GPC5: variants seen among roughly 807,000 people sequenced by gnomAD.
The protein encoded by GPC5 is glypican-5.
GPC5 carries 47 observed loss-of-function variants against 53.9 expected under a neutral mutation model. That is an observed-to-expected ratio of 0.87 (90% CI 0.69 to 1.11). The LOEUF is 1.11. Among genes scored for constraint, GPC5 ranks in the 50% most tolerant of loss-of-function variants. The probability of loss-of-function intolerance (pLI) is 0.00; values close to 1 mark genes in which losing one functional copy is unlikely to be tolerated. For missense variants in GPC5, 748 were observed against 713.1 expected (o/e 1.05, Z -0.56); for synonymous variants, 286 against 263.3 (o/e 1.09, Z -0.84).
intron 7 of GPC5, among the ~76,000 whole-genome samples, chr13:92,497,605 A>G (rs1375734896): frequency 1.3e-5 from 2 of 152,150 alleles, no homozygotes; most frequent in Non-Finnish European, 2.9e-5. Context: ...TGATTCCATA[A>G]GAAATTTAAA....
intron 7 of GPC5, among the ~76,000 whole-genome samples, chr13:92,593,786 G>A (rs1026233149): frequency 1.4e-4 from 21 of 152,136 alleles, no homozygotes; most frequent in Admixed American, 1.3e-3. Flanking sequence ...ACAATCAACA[G>A]CATCAAATGC....
At chr13:92,857,649 G>T (rs1359726052) in intron 7 of GPC5, among the ~76,000 whole-genome samples, 1 of 152,020 alleles carries the variant, frequency 6.6e-6, no homozygotes, top group Non-Finnish European at 1.5e-5. Context: ...TCATCAAAAA[G>T]TGGGCAAAGT....
At chr13:92,786,216 G>T (rs1265803985) in intron 7 of GPC5, among the ~76,000 whole-genome samples, 1 of 152,130 alleles carries the variant, frequency 6.6e-6, no homozygotes, top group African/African-American at 2.4e-5. Context: ...AAATACAAGA[G>T]ATTTTAATAA....
At chr13:92,000,071 A>G (rs1316358153) in intron 6 of GPC5, among the ~76,000 whole-genome samples, 1 of 152,214 alleles carries the variant, frequency 6.6e-6, no homozygotes, top group Admixed American at 6.5e-5. Context: ...ATTTTCAAGA[A>G]TGTAATCCAT....
At chr13:92,182,772 G>A (rs1461869353) in intron 7 of GPC5, among the ~76,000 whole-genome samples, 2 of 152,138 alleles carry the variant, frequency 1.3e-5, no homozygotes, top group Admixed American at 6.5e-5. Flanking sequence ...GGGAGGCTGA[G>A]GCGGGAGAAT....
At chr13:91,562,069 T>G (rs996302067) in intron 2 of GPC5, among the ~76,000 whole-genome samples, 12 of 151,776 alleles carry the variant, frequency 7.9e-5, no homozygotes, top group Non-Finnish European at 5.9e-5. Context: ...CTCCAGTTCA[T>G]GCCAGGGAAG....
At chr13:92,712,831 G>A (rs1324934002) in intron 7 of GPC5, among the ~76,000 whole-genome samples, 3 of 152,122 alleles carry the variant, frequency 2.0e-5, no homozygotes, top group African/African-American at 7.2e-5. Context: ...AATATGACTG[G>A]TGTCCTTATA....
At chr13:92,833,695 T>C (rs1878127363) in intron 7 of GPC5, among the ~76,000 whole-genome samples, 1 of 152,150 alleles carries the variant, frequency 6.6e-6, no homozygotes, top group Non-Finnish European at 1.5e-5. Context: ...CATGGTATTA[T>C]GGGACATTAT....
intron 7 of GPC5, among the ~76,000 whole-genome samples, chr13:92,307,743 G>GAAGAGAAA (rs1466277075): frequency 6.6e-6 from 1 of 152,118 alleles, no homozygotes; most frequent in African/African-American, 2.4e-5. Flanking sequence ...TGGGATAAAG[G>GAAGAGAAA]AAGAGAAAAA....
chr13:91,601,444 C>T (rs2139236521), intron 2 of GPC5, among the ~76,000 whole-genome samples: 1 of 152,238 alleles, frequency 6.6e-6, no homozygotes, highest in African/African-American at 2.4e-5. Flanking sequence ...CAGGGATCCC[C>T]AACCCCTGGG....
intron 6 of GPC5, among the ~76,000 whole-genome samples, chr13:91,974,526 C>G (rs891067799): frequency 6.6e-6 from 1 of 151,854 alleles, no homozygotes; most frequent in South Asian, 2.1e-4. Context: ...ACAATTGCTT[C>G]AAAGAGAATA....
intron 4 of GPC5, among the ~76,000 whole-genome samples, chr13:91,753,176 A>G (rs2037216282): frequency 3.3e-5 from 5 of 152,208 alleles, no homozygotes. Flanking sequence ...GACCGTAGAG[A>G]CAGTTAAGAA....
chr13:92,481,974 C>A (rs1280822822), intron 7 of GPC5, among the ~76,000 whole-genome samples: 1 of 151,830 alleles, frequency 6.6e-6, no homozygotes, highest in Admixed American at 6.6e-5. Context: ...ACTAAAAATA[C>A]AAAAAAATTA....
rs139264874 is a variant in GPC5 at position 92,007,720 on chromosome 13, A to G, written c.1401+99663A>G. 1.3e-3 allele frequency among the ~76,000 whole-genome samples: 204 copies of G among 152,316 alleles called. 1 individual carries two copies. Among genetic ancestry groups the G allele is most frequent in the African/African-American group, 4.7e-3 (194 of 41,574 alleles). On this transcript the variant is annotated intron_variant, in intron 6 of 7. Coordinates refer to ENST00000377067, the MANE Select transcript of GPC5 (RefSeq NM_004466.6). ...TATTAATATAGTTTGATTTGAAATT[A>G]TAGTTCTCCTACTTGCTTTCCACTT...
chr13:92,075,657 AT>A (rs1481078814), intron 6 of GPC5, among the ~76,000 whole-genome samples: 2 of 152,196 alleles, frequency 1.3e-5, no homozygotes, highest in African/African-American at 4.8e-5. Context: ...TGTATGTCAT[AT>A]CATGACAAAA....
intron 2 of GPC5, among the ~76,000 whole-genome samples, chr13:91,494,244 C>A (rs770679168): frequency 6.6e-6 from 1 of 151,676 alleles, no homozygotes; most frequent in African/African-American, 2.4e-5. Flanking sequence ...CAAAGGCCAG[C>A]CCTTGTTTTT....
At chr13:92,248,893 A>T (rs1232033902) in intron 7 of GPC5, among the ~76,000 whole-genome samples, 1 of 152,150 alleles carries the variant, frequency 6.6e-6, no homozygotes, top group Non-Finnish European at 1.5e-5. Context: ...ATTTACATTT[A>T]GTAAAAGTAA....
chr13:92,244,053 A>G (rs994726907), intron 7 of GPC5, among the ~76,000 whole-genome samples: 6 of 152,212 alleles, frequency 3.9e-5, no homozygotes, highest in East Asian at 1.9e-4. Flanking sequence ...TTAGGATAGA[A>G]GAGTACACTC....
intron 2 of GPC5, among the ~76,000 whole-genome samples, chr13:91,650,744 C>T (rs1280340278): frequency 1.2e-5 from 1 of 86,352 alleles, no homozygotes; most frequent in Non-Finnish European, 2.0e-5. Flanking sequence ...AACAAAATTC[C>T]CATAAGTTTT....
Sources: allele counts gnomAD v4.1 joint callset (sites outside exome capture counted in the v4.1 genomes callset), GRCh38; gene constraint gnomAD v4.1.1; transcripts MANE v1.5; gene names NCBI Gene and HGNC (gene_info 2026-07-23, HGNC 2026-07-21).